The following CMKLR2 variants were observed in gnomAD, a reference collection of about 807,000 sequenced individuals.
CMKLR2 encodes the protein chemerin chemokine-like receptor 2, also known as chemerin-like receptor 2.
In CMKLR2, 18 loss-of-function variants were observed where a neutral mutation model predicts 23.0. The ratio of observed to expected loss-of-function variants is 0.78; its 90% CI spans 0.54 to 1.16. The LOEUF (loss-of-function observed/expected upper bound fraction) is 1.16, where lower values mean the gene tolerates loss of function less well. Ranked by LOEUF, CMKLR2 falls within the 50% of genes most tolerant of loss-of-function variation. The pLI is 0.00. For missense variants in CMKLR2, 401 were observed against 412.7 expected (o/e 0.97, Z 0.25); for synonymous variants, 158 against 158.9 (o/e 0.99, Z 0.05).
intron 1 of CMKLR2, among the ~76,000 whole-genome samples, chr2:206,187,003 C>T (rs544819807): frequency 1.3e-5 from 2 of 152,100 alleles, no homozygotes; most frequent in East Asian, 3.9e-4. Flanking sequence ...CCCTGGGCAA[C>T]ACAGTGAAGA....
chr2:206,182,375 C>T (rs1688443060), intron 1 of CMKLR2, among the ~76,000 whole-genome samples: 1 of 152,186 alleles, frequency 6.6e-6, no homozygotes, highest in Non-Finnish European at 1.5e-5. Flanking sequence ...TCACACTTAA[C>T]ACGTTATGTT....
At chr2:206,203,867 T>G (rs1689206605) in intron 1 of CMKLR2, 1 of 152,224 alleles carries the variant, frequency 6.6e-6, no homozygotes, top group African/African-American at 2.4e-5. Flanking sequence ...GCATAGATAC[T>G]AAATCAAATA....
chr2:206,179,146 G>T (rs1186639445), intron 1 of CMKLR2, among the ~76,000 whole-genome samples: 1 of 121,202 alleles, frequency 8.3e-6, no homozygotes, highest in Non-Finnish European at 1.6e-5. Context: ...TGTGATCTTG[G>T]CTCACCTCAA....
At chr2:206,212,130 CTTCAT>C (rs1689591288) in intron 1 of CMKLR2, among the ~76,000 whole-genome samples, 1 of 152,086 alleles carries the variant, frequency 6.6e-6, no homozygotes, top group South Asian at 2.1e-4. Context: ...ATCTTTTCTA[CTTCAT>C]TTATTTTTTA....
chr2:206,191,683 TTTTA>T (rs1688752547), intron 1 of CMKLR2, among the ~76,000 whole-genome samples: 1 of 150,898 alleles, frequency 6.6e-6, no homozygotes, highest in African/African-American at 2.4e-5. Flanking sequence ...TTTTTTTTTT[TTTTA>T]GACAGGGTCT....
intron 1 of CMKLR2, among the ~76,000 whole-genome samples, chr2:206,185,741 G>A (rs1257639368): frequency 6.6e-6 from 1 of 152,126 alleles, no homozygotes; most frequent in African/African-American, 2.4e-5. Context: ...TGGATTAGGT[G>A]GTAGCAGTGA....
intron 1 of CMKLR2, among the ~76,000 whole-genome samples, chr2:206,186,825 C>G (rs1688594944): frequency 7.1e-6 from 1 of 140,018 alleles, no homozygotes; most frequent in Admixed American, 7.5e-5. Flanking sequence ...GGGTTTTGCT[C>G]TGTCACCCAG....
chr2:206,179,050 T>C (rs1688319227), intron 1 of CMKLR2, among the ~76,000 whole-genome samples: 1 of 133,412 alleles, frequency 7.5e-6, no homozygotes. Context: ...GCCCGCTCCC[T>C]GTCCCTTTTT....
chr2:206,206,124 T>G (rs2105836217), intron 1 of CMKLR2, among the ~76,000 whole-genome samples: 1 of 152,302 alleles, frequency 6.6e-6, no homozygotes, highest in Non-Finnish European at 1.5e-5. Flanking sequence ...TATTTATCTG[T>G]GAAATACCAT....
intron 1 of CMKLR2, among the ~76,000 whole-genome samples, chr2:206,198,730 T>A (rs967131538): frequency 6.6e-6 from 1 of 152,110 alleles, no homozygotes; most frequent in Non-Finnish European, 1.5e-5. Context: ...AAAGAAAAAT[T>A]ATTAGTGTTT....
At chr2:206,206,976 C>T (rs1689348459) in intron 1 of CMKLR2, among the ~76,000 whole-genome samples, 1 of 138,410 alleles carries the variant, frequency 7.2e-6, no homozygotes, top group African/African-American at 2.7e-5. Context: ...GTAGAAAAGC[C>T]AGCCTCACTC....
chr2:206,217,364 T>C (rs190508533), upstream of CMKLR2: 1 of 152,302 alleles, frequency 6.6e-6, no homozygotes, highest in African/African-American at 2.4e-5. Context: ...TGGACTCACA[T>C]GGCAGGCTCA....
At chr2:206,189,878 A>G (rs1474895500) in intron 1 of CMKLR2, among the ~76,000 whole-genome samples, 1 of 152,146 alleles carries the variant, frequency 6.6e-6, no homozygotes, top group Non-Finnish European at 1.5e-5. Flanking sequence ...AAACTATACT[A>G]CACCCCAGAA....
At position 206,176,639 on chromosome 2, in the gene CMKLR2, G is replaced by A. The variant is rs147100547; in HGVS notation, c.609C>T (p.His203=). 3 of 1,614,148 alleles carry A rather than the reference G, an allele frequency of 1.9e-6. No homozygotes were observed. The highest frequency in any genetic ancestry group is 2.7e-5 in the African/African-American group (2 of 75,040). ...TAAATTTCACCCAAGTCAGAACATG[G>A]TGCCTGATCAAAGTGAGGTCAGGAT... ...KHDPDLTLIR[H]HVLTWVKFII... Residue 203 remains histidine, a synonymous_variant, in exon 2 of 2, where the codon CAC becomes CAT. Coordinates refer to ENST00000621141, the MANE Select transcript of CMKLR2 (RefSeq NM_001389445.1).
At chr2:206,186,450 A>G (rs1688584365) in intron 1 of CMKLR2, among the ~76,000 whole-genome samples, 1 of 152,116 alleles carries the variant, frequency 6.6e-6, no homozygotes, top group Non-Finnish European at 1.5e-5. Context: ...ATGTATCCTA[A>G]CTAATATAAC....
At chr2:206,195,055 G>A (rs1051006805) in intron 1 of CMKLR2, among the ~76,000 whole-genome samples, 7 of 151,982 alleles carry the variant, frequency 4.6e-5, no homozygotes, top group East Asian at 3.9e-4. Flanking sequence ...CATGCCCGAC[G>A]CATCATAGAC....
intron 1 of CMKLR2, among the ~76,000 whole-genome samples, chr2:206,201,562 G>A (rs755941038): frequency 2.0e-4 from 30 of 151,956 alleles, no homozygotes; most frequent in Non-Finnish European, 4.3e-4. Flanking sequence ...TGAAGACCTG[G>A]TCTGTGATTT....
intron 1 of CMKLR2, among the ~76,000 whole-genome samples, chr2:206,193,558 G>A (rs1319686727): frequency 6.6e-6 from 1 of 152,182 alleles, no homozygotes; most frequent in Non-Finnish European, 1.5e-5. Flanking sequence ...AGTTTATGTT[G>A]CAGATATGTT....
chr2:206,181,400 C>T (rs1688408408), intron 1 of CMKLR2, among the ~76,000 whole-genome samples: 1 of 151,870 alleles, frequency 6.6e-6, no homozygotes, highest in Non-Finnish European at 1.5e-5. Context: ...ACTATGTTGC[C>T]CAGGCTGGAT....
Sources: allele counts gnomAD v4.1 joint callset (sites outside exome capture counted in the v4.1 genomes callset), GRCh38; gene constraint gnomAD v4.1.1; transcripts MANE v1.5; gene names NCBI Gene and HGNC (gene_info 2026-07-23, HGNC 2026-07-21).